LEKR1: variants seen among roughly 807,000 people sequenced by gnomAD.
The protein encoded by LEKR1 is leucine, glutamate and lysine rich 1, also known as protein LEKR1.
LEKR1 carries 59 observed loss-of-function variants against 72.4 expected under a neutral mutation model. The observed-to-expected ratio is 0.82, with a 90% CI of 0.66 to 1.01. The LOEUF is 1.01. Ranked by LOEUF, LEKR1 falls within the 50% of genes least tolerant of loss-of-function variation. The pLI, the probability that LEKR1 is intolerant of heterozygous loss-of-function variation, is 0.00. For missense variants in LEKR1, 728 were observed against 759.2 expected (o/e 0.96, Z 0.48); for synonymous variants, 257 against 263.2 (o/e 0.98, Z 0.23).
chr3:156,895,254 A>G (rs946648564), intron 3 of LEKR1, among the ~76,000 whole-genome samples: 7 of 152,370 alleles, frequency 4.6e-5, no homozygotes, highest in Non-Finnish European at 1.0e-4. Context: ...AAAGGAAGAC[A>G]TTCATGCAGC....
intron 3 of LEKR1, among the ~76,000 whole-genome samples, chr3:156,873,746 A>G (rs1394622381): frequency 6.6e-6 from 1 of 152,016 alleles, no homozygotes; most frequent in Non-Finnish European, 1.5e-5. Flanking sequence ...TACATTTATG[A>G]AAGATAACAT....
chr3:156,945,047 G>A (rs769072361), intron 6 of LEKR1, among the ~76,000 whole-genome samples: 1 of 151,454 alleles, frequency 6.6e-6, no homozygotes, highest in Non-Finnish European at 1.5e-5. Context: ...AGTGTTCAAG[G>A]GTTCGCTTTT....
intron 3 of LEKR1, among the ~76,000 whole-genome samples, chr3:156,892,767 A>G (rs1197052950): frequency 6.6e-6 from 1 of 152,160 alleles, no homozygotes; most frequent in Non-Finnish European, 1.5e-5. Context: ...GTGGTGGTTG[A>G]CTGACCAATC....
At chr3:156,914,014 G>A (rs1723355963) in intron 3 of LEKR1, among the ~76,000 whole-genome samples, 1 of 151,936 alleles carries the variant, frequency 6.6e-6, no homozygotes. Context: ...CCTAGTCTAT[G>A]TGCTATTTTA....
chr3:157,037,891 G>A (rs1476707559), intron 12 of LEKR1, among the ~76,000 whole-genome samples: 2 of 152,154 alleles, frequency 1.3e-5, no homozygotes, highest in African/African-American at 2.4e-5. Flanking sequence ...CTGCAGCAAG[G>A]AACATACTGG....
intron 1 of LEKR1, chr3:156,826,810 C>G (rs1201108945): frequency 1.3e-5 from 2 of 155,470 alleles, no homozygotes; most frequent in African/African-American, 2.4e-5. Context: ...CTTCACCTGC[C>G]CCTGACCTGC....
At chr3:156,841,671 A>G (rs1236136677) in intron 2 of LEKR1, among the ~76,000 whole-genome samples, 1 of 152,202 alleles carries the variant, frequency 6.6e-6, no homozygotes, top group Non-Finnish European at 1.5e-5. Context: ...CTTGATTTTA[A>G]AGTAGCCAGA....
At chr3:157,019,990 C>T (rs1429304113) in intron 10 of LEKR1, among the ~76,000 whole-genome samples, 1 of 152,112 alleles carries the variant, frequency 6.6e-6, no homozygotes, top group East Asian at 1.9e-4. Context: ...TCAGATTGTG[C>T]AAATTAAAAA....
chr3:156,991,197 CG>C (rs2108008414), intron 7 of LEKR1, among the ~76,000 whole-genome samples: 1 of 151,952 alleles, frequency 6.6e-6, no homozygotes, highest in African/African-American at 2.4e-5. Flanking sequence ...TTTTAGGGAG[CG>C]GGGAGTTGGC....
intron 5 of LEKR1, among the ~76,000 whole-genome samples, chr3:156,931,959 G>A (rs968904090): frequency 2.6e-5 from 4 of 152,050 alleles, no homozygotes; most frequent in African/African-American, 9.7e-5. Context: ...CTTGAGATTT[G>A]TACAATTCTG....
Position 157,028,263 on chromosome 3 carries a change from G to T in LEKR1, c.1529G>T (p.Arg510Leu), listed in dbSNP as rs775199223. The T allele has an allele frequency of 1.4e-5, 23 of 1,613,422 alleles. No homozygotes were observed. The highest frequency in any genetic ancestry group is 1.6e-4 in the Middle Eastern group (1 of 6,076). ...AATTTGGTTGCAGAATTTGAATCTC[G>T]CTTGAAGAAGGAAATTGACAGTAAT... ...LKNLVAEFESRLKKEIDSNDS... is the reference protein window; with the variant it reads ...LKNLVAEFESLLKKEIDSNDS... Residue 510 changes from arginine (R) to leucine (L), a missense_variant, in exon 12 of 13, where the codon CGC (arginine) becomes CTC (leucine). Transcript: ENST00000356539.
At chr3:156,961,294 A>G (rs1016514771) in intron 6 of LEKR1, among the ~76,000 whole-genome samples, 1 of 152,202 alleles carries the variant, frequency 6.6e-6, no homozygotes, top group African/African-American at 2.4e-5. Flanking sequence ...ACAAATTACA[A>G]AATTCACCCA....
At chr3:156,886,325 G>A (rs1384708980) in intron 3 of LEKR1, among the ~76,000 whole-genome samples, 1 of 152,064 alleles carries the variant, frequency 6.6e-6, no homozygotes, top group East Asian at 1.9e-4. Flanking sequence ...TTTACCCCAG[G>A]CCGTGAGCTA....
chr3:156,832,789 A>G (rs1712593364), intron 2 of LEKR1, among the ~76,000 whole-genome samples: 2 of 152,282 alleles, frequency 1.3e-5, no homozygotes, highest in African/African-American at 4.8e-5. Context: ...AGTATTTCCA[A>G]GGGGCTGTTA....
intron 11 of LEKR1, among the ~76,000 whole-genome samples, chr3:157,026,055 GAA>G (rs1027725772): frequency 2.1e-5 from 3 of 144,346 alleles, no homozygotes; most frequent in South Asian, 2.2e-4. Flanking sequence ...TTCTCTAAAA[GAA>G]AAAAAAAAAT....
intron 9 of LEKR1, among the ~76,000 whole-genome samples, chr3:157,003,827 A>G (rs1220569239): frequency 2.6e-5 from 4 of 152,210 alleles, no homozygotes; most frequent in Non-Finnish European, 4.4e-5. Flanking sequence ...ACTAAAATAA[A>G]ACTAAACAAA....
intron 4 of LEKR1, among the ~76,000 whole-genome samples, 179 bp from the exon 5 acceptor site, chr3:156,927,250 A>G (rs1262698234): frequency 6.6e-6 from 1 of 151,944 alleles, no homozygotes; most frequent in African/African-American, 2.4e-5. Flanking sequence ...ACTTCACTCT[A>G]TCTGAGATAT....
intron 3 of LEKR1, among the ~76,000 whole-genome samples, chr3:156,898,774 G>A (rs760602375): frequency 2.0e-5 from 3 of 152,090 alleles, no homozygotes; most frequent in Non-Finnish European, 4.4e-5. Context: ...TAAAATATGG[G>A]TTTAAAATGT....
At chr3:156,976,373 T>C (rs1049936799) in intron 6 of LEKR1, among the ~76,000 whole-genome samples, 1 of 152,220 alleles carries the variant, frequency 6.6e-6, no homozygotes, top group Admixed American at 6.5e-5. Context: ...CTCAGACCTA[T>C]GCTTCATCTA....
Sources: gnomAD v4.1 joint callset for allele counts (sites outside exome capture counted in the v4.1 genomes callset) on GRCh38, gnomAD v4.1.1 for gene constraint, MANE v1.5 for transcripts, NCBI Gene and HGNC (gene_info 2026-07-23, HGNC 2026-07-21) for gene names.